SHOC1: variants seen among roughly 807,000 people sequenced by gnomAD.
The protein encoded by SHOC1 is shortage in chiasmata 1.
SHOC1 carries 136 observed loss-of-function variants against 179.2 expected under a neutral mutation model. The ratio of observed to expected loss-of-function variants is 0.76; its 90% CI spans 0.66 to 0.87. The LOEUF is 0.87. Among genes scored for constraint, SHOC1 ranks in the 40% least tolerant of loss-of-function variants. The pLI is 0.00. For missense variants in SHOC1, 1,538 were observed against 1,700.8 expected, an observed-to-expected ratio of 0.90 and a Z score of 1.68; for synonymous variants, 489 against 586.6, an observed-to-expected ratio of 0.83 and a Z score of 2.41.
chr9:111,776,221 T>A (rs377452018), intron 4 of SHOC1, among the ~76,000 whole-genome samples: 2 of 147,354 alleles, frequency 1.4e-5, no homozygotes, highest in African/African-American at 5.0e-5. Flanking sequence ...GTAAAAAAAA[T>A]GAAGAATGAA....
At chr9:111,718,530 CAGTG>C (rs1194777345) in intron 15 of SHOC1, among the ~76,000 whole-genome samples, 1 of 152,132 alleles carries the variant, frequency 6.6e-6, no homozygotes, top group Non-Finnish European at 1.5e-5. Flanking sequence ...TGTCCAAGGT[CAGTG>C]AGTGAGTAAA....
intron 15 of SHOC1, among the ~76,000 whole-genome samples, chr9:111,719,153 A>G (rs754619002): frequency 7.9e-5 from 12 of 152,190 alleles, no homozygotes; most frequent in Non-Finnish European, 1.3e-4. Flanking sequence ...AGAGATGAGA[A>G]TAGGGCAGAG....
chr9:111,772,098 T>C (rs1352964772), intron 5 of SHOC1, among the ~76,000 whole-genome samples: 5 of 152,150 alleles, frequency 3.3e-5, no homozygotes, highest in African/African-American at 1.2e-4. Flanking sequence ...TTTCTTTCTT[T>C]TTTCTTTTTT....
At chr9:111,697,752 T>C (rs950570441) in intron 24 of SHOC1, among the ~76,000 whole-genome samples, 2 of 152,196 alleles carry the variant, frequency 1.3e-5, no homozygotes, top group African/African-American at 4.8e-5. Context: ...TTCTAGATCC[T>C]AGAGGAATCG....
At chr9:111,726,147 A>G (rs1282684303) in intron 13 of SHOC1, among the ~76,000 whole-genome samples, 2 of 152,196 alleles carry the variant, frequency 1.3e-5, no homozygotes, top group South Asian at 2.1e-4. Context: ...AATATTGGTT[A>G]GAAAAAGCTC....
Position 111,744,647 on chromosome 9 carries a change from A to T in SHOC1, c.1079+1587T>A, listed in dbSNP as rs1245919212. Among the ~76,000 whole-genome samples the T allele has an allele frequency of 2.0e-5, 3 of 152,220 alleles. No individual in the cohort carries two copies. In the East Asian group the frequency reaches 5.8e-4, roughly 29 times the overall value. ...TTCCCACAGTTTCCAGTCCTGGAAT[A>T]ATTCATTAGAGACTTGTAGACTTTA... On this transcript the variant is annotated intron_variant, in intron 10 of 27. Transcript: ENST00000682961.
In SHOC1 at chr9:111,775,960, T is replaced by C; in HGVS notation, c.273A>G (p.Arg91=). 1 of 1,612,538 alleles carries C rather than the reference T, an allele frequency of 6.2e-7. No individual in the cohort carries two copies. The highest frequency in any genetic ancestry group is 8.5e-7 in the Non-Finnish European group (1 of 1,179,404). Residue 91 remains arginine, a synonymous_variant, in exon 5 of 28, where the codon AGA becomes AGG. Transcript: ENST00000682961. The part of the protein sequence containing the change: ...EDFLEKKTIT[R]MVTQINCEFE... ...ATTCACAATTAATCTGGGTCACCAT[T>C]CTTGTAATTGTTTTTCTGTGACAAT...
At chr9:111,686,939 C>CTTTTTTTTTTTTTTTTTTTTTTTTT (rs10537471) in intron 27 of SHOC1, 69 bp from the exon 28 acceptor site, 2 of 498,932 alleles carry the variant, frequency 4.0e-6, no homozygotes, top group Non-Finnish European at 6.3e-6. Context: ...TTTTCTTTTC[C>CTTTTTTTTTTTTTTTTTTTTTTTTT]TTTTTTTTTT....
At chr9:111,722,286 G>T in intron 15 of SHOC1, 123 bp downstream of exon 15, 2 of 853,444 alleles carry the variant, frequency 2.3e-6, no homozygotes, top group Non-Finnish European at 3.5e-6. Flanking sequence ...ATCACAAGCT[G>T]AATTACAGTC....
intron 15 of SHOC1, among the ~76,000 whole-genome samples, chr9:111,721,719 A>T (rs1051663161): frequency 6.6e-6 from 1 of 152,188 alleles, no homozygotes; most frequent in Non-Finnish European, 1.5e-5. Flanking sequence ...TCTCTGTGCG[A>T]AGCTCTCTGC....
chr9:111,786,966 A>G (rs1344087248), intron 2 of SHOC1, among the ~76,000 whole-genome samples: 10 of 152,212 alleles, frequency 6.6e-5, no homozygotes, highest in Admixed American at 6.5e-4. Context: ...GCCCTTAAGA[A>G]TTATACTAAA....
At chr9:111,755,465 A>G (rs1228225719) in intron 8 of SHOC1, among the ~76,000 whole-genome samples, 3 of 152,112 alleles carry the variant, frequency 2.0e-5, no homozygotes, top group African/African-American at 7.2e-5. Context: ...CCTCCATGAT[A>G]TTATATATCT....
In SHOC1 at chr9:111,758,182, G is replaced by T; in HGVS notation, c.610C>A (p.Leu204Ile). Residue 204 changes from leucine (L) to isoleucine (I), a missense_variant, in exon 7 of 28, where the codon CTT (leucine) becomes ATT (isoleucine). Coordinates refer to ENST00000682961, the MANE Select transcript of SHOC1 (RefSeq NM_001378211.1). ...EANFSRECFS[L>I]QETLEAFVKE... ...ACAAAAGCTTCCAAAGTTTCTTGAA[G>T]AGAGAAACATTCCCTTAAAAAAAAA... 6.4e-7 allele frequency: 1 copy of T among 1,562,290 alleles called. No individual in the cohort carries two copies. Among genetic ancestry groups the T allele is most frequent in the South Asian group, 1.2e-5 (1 of 81,760 alleles).
chr9:111,781,413 C>T (rs1836034534), intron 3 of SHOC1, among the ~76,000 whole-genome samples: 1 of 152,124 alleles, frequency 6.6e-6, no homozygotes, highest in African/African-American at 2.4e-5. Flanking sequence ...GGTACTCAAC[C>T]ATATACAGTC....
chr9:111,714,785 G>A (rs1832715132), intron 16 of SHOC1, among the ~76,000 whole-genome samples, 162 bp from the exon 17 acceptor site: 1 of 152,140 alleles, frequency 6.6e-6, no homozygotes, highest in South Asian at 2.1e-4. Flanking sequence ...CTTTAAAACT[G>A]AGTGAAGCTT....
intron 10 of SHOC1, among the ~76,000 whole-genome samples, chr9:111,744,974 A>G (rs968254320): frequency 6.6e-6 from 1 of 152,204 alleles, no homozygotes; most frequent in African/African-American, 2.4e-5. Context: ...TGCAGTATCA[A>G]TTCTACAATT....
In SHOC1 at chr9:111,788,822, G is replaced by A. The variant is rs144257252; in HGVS notation, c.45+2552C>T. Reference sequence around the variant, plus strand: ...AAAGGAATGTTAAATCAGTTAATAAGTTTGTAAATGAGTCAGTGTTCTCTT... The same window carrying A: ...AAAGGAATGTTAAATCAGTTAATAAATTTGTAAATGAGTCAGTGTTCTCTT... On this transcript the variant is annotated intron_variant, in intron 2 of 27. Transcript: ENST00000682961. 3.2e-3 allele frequency among the ~76,000 whole-genome samples: 493 copies of A among 152,250 alleles called. 2 individuals are homozygous for A. In the Middle Eastern group the frequency reaches 0.041, roughly 13 times the overall value.
rs7040210 is a variant in SHOC1, at chr9:111,717,874, C to G, written c.2236+310G>C. 1.0e-2 allele frequency among the ~76,000 whole-genome samples: 1,516 copies of G among 152,180 alleles called. 26 individuals carry two copies. The highest frequency in any genetic ancestry group is 0.034 in the African/African-American group (1,417 of 41,532). On this transcript the variant is annotated intron_variant, in intron 16 of 27. Coordinates refer to ENST00000682961, the MANE Select transcript of SHOC1 (RefSeq NM_001378211.1). ...CAATGAGGACCCAAAATGTTTATGACAAAATGTCAAATCTCACATTAAAAA... is the reference window on the plus strand; with the variant it reads ...CAATGAGGACCCAAAATGTTTATGAGAAAATGTCAAATCTCACATTAAAAA...
chr9:111,712,793 G>C (rs370302441), intron 18 of SHOC1, among the ~76,000 whole-genome samples: 11 of 152,070 alleles, frequency 7.2e-5, no homozygotes, highest in East Asian at 3.9e-4. Context: ...TTGTAAAACT[G>C]AGTTAATAAA....
Sources: gnomAD v4.1 joint callset for allele counts (sites outside exome capture counted in the v4.1 genomes callset) on GRCh38, gnomAD v4.1.1 for gene constraint, MANE v1.5 for transcripts, NCBI Gene and HGNC (gene_info 2026-07-23, HGNC 2026-07-21) for gene names.